The following ZNF438 variants were observed in gnomAD, a reference collection of about 807,000 sequenced individuals.
ZNF438 encodes the protein zinc finger protein 438.
ZNF438 carries 25 observed loss-of-function variants against 38.0 expected under a neutral mutation model. That is an observed-to-expected ratio of 0.66 (90% CI 0.48 to 0.92). The LOEUF is 0.92. Ranked by LOEUF, ZNF438 falls within the 40% of genes least tolerant of loss-of-function variation. The probability of loss-of-function intolerance (pLI) is 0.00; values close to 1 mark genes in which losing one functional copy is unlikely to be tolerated. For synonymous variants in ZNF438, 372 were observed against 364.1 expected (o/e 1.02, Z -0.25); for missense variants, 1,007 against 999.6 (o/e 1.01, Z -0.10).
chr10:30,949,066 A>C (rs1456221812), intron 1 of ZNF438, among the ~76,000 whole-genome samples: 1 of 152,278 alleles, frequency 6.6e-6, no homozygotes, highest in Non-Finnish European at 1.5e-5. Flanking sequence ...CAGAAACCCT[A>C]CAAGCCAGAA....
intron 1 of ZNF438, among the ~76,000 whole-genome samples, chr10:30,974,173 G>GA (rs1473713470): frequency 2.0e-5 from 3 of 152,120 alleles, no homozygotes; most frequent in East Asian, 1.9e-4. Context: ...TTTTCTCCAG[G>GA]AAAAAATGGT....
At chr10:30,927,537 G>A (rs569909041) in intron 2 of ZNF438, among the ~76,000 whole-genome samples, 1 of 152,202 alleles carries the variant, frequency 6.6e-6, no homozygotes, top group Non-Finnish European at 1.5e-5. Context: ...TATGCTTCCT[G>A]CCATCCATGA....
In ZNF438 at chr10:30,852,681, C is replaced by T. The variant is rs377680102; in HGVS notation, c.38-2314G>A. On this transcript the variant is annotated intron_variant, in intron 4 of 5. Coordinates refer to ENST00000413025, the Ensembl canonical transcript of ZNF438. ...GTAATTGTTTTGCAAAGAAAAAGGACATTATGAAACATAAGTTCACAGGAT... is the reference window on the plus strand; with the variant it reads ...GTAATTGTTTTGCAAAGAAAAAGGATATTATGAAACATAAGTTCACAGGAT... Among the ~76,000 whole-genome samples the T allele has an allele frequency of 3.3e-4, 51 of 152,286 alleles. 1 individual carries two copies. In the South Asian group the frequency reaches 0.01, roughly 30 times the overall value.
At chr10:30,866,553 G>A (rs2133303339) in intron 4 of ZNF438, among the ~76,000 whole-genome samples, 1 of 152,182 alleles carries the variant, frequency 6.6e-6, no homozygotes, top group Admixed American at 6.5e-5. Flanking sequence ...GGTGCTTATG[G>A]GTCAGGCGCG....
intron 3 of ZNF438, among the ~76,000 whole-genome samples, chr10:30,893,142 A>C (rs758752146): frequency 3.9e-5 from 6 of 152,254 alleles, no homozygotes; most frequent in Non-Finnish European, 4.4e-5. Context: ...AAGTGCCTCA[A>C]AACCATCACT....
chr10:30,921,299 C>T (rs1481036572), intron 2 of ZNF438: 4 of 152,138 alleles, frequency 2.6e-5, no homozygotes, highest in Admixed American at 6.5e-5. Context: ...CCAGTGTTGC[C>T]TCAATAAAGT....
At chr10:30,955,800 C>A (rs770355041) in intron 1 of ZNF438, among the ~76,000 whole-genome samples, 1 of 152,168 alleles carries the variant, frequency 6.6e-6, no homozygotes, top group Non-Finnish European at 1.5e-5. Flanking sequence ...ATTATTACAA[C>A]GTTGATTTTT....
chr10:30,924,383 T>C (rs757798114), intron 2 of ZNF438, among the ~76,000 whole-genome samples: 2 of 152,058 alleles, frequency 1.3e-5, no homozygotes, highest in East Asian at 1.9e-4. Flanking sequence ...TGTGAGAAAA[T>C]AGGAACTCTA....
At chr10:30,907,556 G>C (rs2042704866) in intron 3 of ZNF438, among the ~76,000 whole-genome samples, 1 of 152,018 alleles carries the variant, frequency 6.6e-6, no homozygotes, top group Admixed American at 6.6e-5. Flanking sequence ...CTTGTTATAG[G>C]TTCATATTTT....
At chr10:30,976,466 G>T (rs1206275033) in intron 1 of ZNF438, among the ~76,000 whole-genome samples, 1 of 152,204 alleles carries the variant, frequency 6.6e-6, no homozygotes, top group Non-Finnish European at 1.5e-5. Context: ...TCATGGCTGG[G>T]TGCAGTGGCA....
chr10:30,852,191 A>C (rs117182087), intron 4 of ZNF438, among the ~76,000 whole-genome samples: 5,631 of 150,418 alleles, frequency 0.037, 160 homozygotes, highest in Non-Finnish European at 0.061. Flanking sequence ...AGAAAATGTA[A>C]CATCAACCTT....
At chr10:31,031,501 AATC>A (rs2057291713) in intron 1 of ZNF438, among the ~76,000 whole-genome samples, 1 of 152,206 alleles carries the variant, frequency 6.6e-6, no homozygotes. Context: ...GAAGAAAAGG[AATC>A]TAAGTCCCTT....
At chr10:30,973,621 C>G (rs768070792) in intron 1 of ZNF438, among the ~76,000 whole-genome samples, 13 of 152,200 alleles carry the variant, frequency 8.5e-5, no homozygotes, top group Admixed American at 2.6e-4. Flanking sequence ...CTCTCTCCCA[C>G]CCCCGGAAGC....
intron 4 of ZNF438, among the ~76,000 whole-genome samples, chr10:30,865,951 A>G (rs1368363551): frequency 1.3e-4 from 20 of 152,182 alleles, no homozygotes; most frequent in Admixed American, 1.3e-3. Context: ...TCATACTCAT[A>G]TCAAGATGTC....
At chr10:30,875,864 C>G (rs532966953) in intron 4 of ZNF438, among the ~76,000 whole-genome samples, 2 of 152,362 alleles carry the variant, frequency 1.3e-5, no homozygotes, top group Admixed American at 1.3e-4. Context: ...TCTCACTGAC[C>G]AGTCTCAAAG....
chr10:30,977,765 G>A (rs563294255), intron 1 of ZNF438, among the ~76,000 whole-genome samples: 4 of 152,044 alleles, frequency 2.6e-5, no homozygotes, highest in South Asian at 4.2e-4. Flanking sequence ...CTAGCGGATC[G>A]CAAGGTCAGG....
At chr10:31,013,192 G>A (rs1027824933) in intron 1 of ZNF438, among the ~76,000 whole-genome samples, 5 of 152,132 alleles carry the variant, frequency 3.3e-5, no homozygotes, top group Admixed American at 1.3e-4. Flanking sequence ...GGTGGCGGGC[G>A]CCTGTAGTCC....
chr10:30,946,138 T>A (rs571110157), intron 1 of ZNF438, among the ~76,000 whole-genome samples: 15 of 152,130 alleles, frequency 9.9e-5, no homozygotes, highest in Middle Eastern at 3.4e-3. Context: ...TTGATTTGCA[T>A]TTCTCTGATG....
chr10:30,852,203 A>T (rs957241022), intron 4 of ZNF438, among the ~76,000 whole-genome samples: 1 of 138,514 alleles, frequency 7.2e-6, no homozygotes, highest in Admixed American at 7.1e-5. Flanking sequence ...ATCAACCTTG[A>T]TTTTCTTTTT....
Sources: allele counts gnomAD v4.1 joint callset (sites outside exome capture counted in the v4.1 genomes callset), GRCh38; gene constraint gnomAD v4.1.1; transcripts MANE v1.5; gene names NCBI Gene and HGNC (gene_info 2026-07-23, HGNC 2026-07-21).